The following TTC7A variants were observed in gnomAD, a reference collection of about 807,000 sequenced individuals.
The protein encoded by TTC7A is tetratricopeptide repeat protein 7A.
TTC7A carries 110 observed loss-of-function variants against 103.7 expected under a neutral mutation model. The ratio of observed to expected loss-of-function variants is 1.06; its 90% CI spans 0.91 to 1.24. The LOEUF (loss-of-function observed/expected upper bound fraction) is 1.24. TTC7A is among the 50% of genes most tolerant of loss of function. The probability of loss-of-function intolerance (pLI) is 0.00; values close to 1 mark genes in which losing one functional copy is unlikely to be tolerated. For missense variants in TTC7A, 1,340 were observed against 1,116.3 expected (o/e 1.20, Z -2.86); for synonymous variants, 521 against 467.9 (o/e 1.11, Z -1.47).
upstream of TTC7A, among the ~76,000 whole-genome samples, chr2:46,940,442 C>T (rs1670232604): frequency 6.6e-6 from 1 of 152,162 alleles, no homozygotes; most frequent in South Asian, 2.1e-4. The surrounding 1 kb of genome is among the most constrained non-coding windows in gnomAD (Gnocchi z 4.7). Flanking sequence ...GGGTGGACCT[C>T]GGCTGCCCCC....
chr2:47,011,294 T>G (rs1262798524), intron 10 of TTC7A, 37 bp from the exon 11 acceptor site: 1 of 1,589,442 alleles, frequency 6.3e-7, no homozygotes, highest in Admixed American at 1.7e-5. Flanking sequence ...GATCCAGGAC[T>G]GTGAGTGACA....
At chr2:46,949,540 C>A (rs1263149245) in intron 1 of TTC7A, among the ~76,000 whole-genome samples, 3 of 152,144 alleles carry the variant, frequency 2.0e-5, no homozygotes, top group African/African-American at 7.2e-5. Context: ...CTAAACCAAG[C>A]AGTATAAAAC....
chr2:47,042,037 G>A (rs1054643578), intron 15 of TTC7A, among the ~76,000 whole-genome samples: 2 of 152,162 alleles, frequency 1.3e-5, no homozygotes, highest in Admixed American at 6.5e-5. Flanking sequence ...AAGGAAAAGG[G>A]GATTGGGGTT....
intron 2 of TTC7A, among the ~76,000 whole-genome samples, chr2:46,929,648 T>C (rs1164058116): frequency 1.3e-5 from 2 of 152,204 alleles, no homozygotes; most frequent in African/African-American, 4.8e-5. Context: ...CACAGAAATA[T>C]ATATCCTTAA....
At chr2:47,012,042 C>T (rs1461628651) in intron 11 of TTC7A, among the ~76,000 whole-genome samples, 1 of 152,206 alleles carries the variant, frequency 6.6e-6, no homozygotes, top group Admixed American at 6.5e-5. Flanking sequence ...GTTGCAGGCT[C>T]CTGAAGACTC....
chr2:46,941,711 C>T lies in TTC7A; in HGVS notation c.170C>T (p.Thr57Ile), dbSNP rs771698385. The change falls in exon 1 of 20, where the codon ACC becomes ATC. Residue 57 changes from threonine to isoleucine, a missense_variant. Physicochemically the swap from Thr to Ile is moderately conservative, Grantham distance 89 (BLOSUM62 -1). Transcript: ENST00000319190. The surrounding 1 kb of genome is among the most constrained non-coding windows in gnomAD (Gnocchi z 4.2). Reference sequence around the variant, plus strand: ...CGAGGCAGCCCGAGCGCAGCGTTCACCTTTCCGGACACCGGTGAGTAAGGG... The same window carrying T: ...CGAGGCAGCCCGAGCGCAGCGTTCATCTTTCCGGACACCGGTGAGTAAGGG... ...NRRGSPSAAF[T>I]FPDTDDFGKL... 1 of 1,550,422 alleles carries T rather than the reference C, an allele frequency of 6.4e-7. No homozygotes were observed. Among genetic ancestry groups the T allele is most frequent in the Non-Finnish European group, 8.7e-7 (1 of 1,147,192 alleles).
chr2:46,957,107 C>T (rs905215142), intron 3 of TTC7A, 100 bp downstream of exon 3: 9 of 1,466,036 alleles, frequency 6.1e-6, no homozygotes, highest in Non-Finnish European at 8.5e-6. Context: ...TTCTTCACCC[C>T]TGGTAGTGCC....
intron 3 of TTC7A, among the ~76,000 whole-genome samples, chr2:46,957,869 A>G (rs909450920): frequency 6.6e-6 from 1 of 152,182 alleles, no homozygotes; most frequent in East Asian, 1.9e-4. Context: ...TCTAGAAAAG[A>G]TGCCTGTGGC....
chr2:47,034,372 G>A (rs1177853969), intron 15 of TTC7A: 1 of 152,298 alleles, frequency 6.6e-6, no homozygotes, highest in Non-Finnish European at 1.5e-5. Flanking sequence ...ATGCCTGTGT[G>A]AGTCCTTTCT....
At chr2:47,037,929 G>A (rs535136837) in intron 15 of TTC7A, among the ~76,000 whole-genome samples, 38 of 152,230 alleles carry the variant, frequency 2.5e-4, no homozygotes, top group African/African-American at 8.7e-4. Flanking sequence ...GTAAATAGAC[G>A]CTGTCATTCT....
intron 8 of TTC7A, among the ~76,000 whole-genome samples, chr2:47,002,374 A>G (rs758983902): frequency 6.6e-6 from 1 of 152,238 alleles, no homozygotes; most frequent in African/African-American, 2.4e-5. Flanking sequence ...AGACGGTGAG[A>G]AGATTTAATG....
At chr2:47,006,303 GTAA>G (rs1472123714) in intron 9 of TTC7A, among the ~76,000 whole-genome samples, 3 of 152,222 alleles carry the variant, frequency 2.0e-5, no homozygotes, top group African/African-American at 4.8e-5. Context: ...GCCATGCACA[GTAA>G]TAATAAATGT....
At chr2:46,956,696 T>C (rs1457234075) in intron 2 of TTC7A, 143 bp from the exon 3 acceptor site, 6 of 812,820 alleles carry the variant, frequency 7.4e-6, no homozygotes, top group East Asian at 2.4e-5. Context: ...TGTCGGCATG[T>C]GCTTGAGCAT....
At chr2:47,025,363 G>A (rs766069386) in intron 14 of TTC7A, among the ~76,000 whole-genome samples, 49 of 152,266 alleles carry the variant, frequency 3.2e-4, no homozygotes, top group Non-Finnish European at 5.4e-4. Flanking sequence ...CACAGCCCAC[G>A]GGGTCTAGGT....
chr2:46,933,573 T>C (rs1457119430), intron 2 of TTC7A, among the ~76,000 whole-genome samples: 1 of 152,188 alleles, frequency 6.6e-6, no homozygotes, highest in Non-Finnish European at 1.5e-5. Context: ...GCTGGTTCAG[T>C]ATTGAAATTA....
chr2:47,002,517 T>A (rs779915465), intron 8 of TTC7A, among the ~76,000 whole-genome samples: 151 of 151,952 alleles, frequency 9.9e-4, no homozygotes, highest in Non-Finnish European at 1.6e-3. Flanking sequence ...TGGCTGGGAC[T>A]AGGTCAGAGC....
chr2:47,024,516 G>C (rs112016319), intron 14 of TTC7A, among the ~76,000 whole-genome samples, 157 bp downstream of exon 14: 2 of 152,068 alleles, frequency 1.3e-5, no homozygotes, highest in African/African-American at 4.8e-5. Flanking sequence ...CTCATCAGAG[G>C]GGCCAGTAAG....
chr2:46,929,388 G>A (rs1229756580), intron 2 of TTC7A, among the ~76,000 whole-genome samples: 4 of 152,156 alleles, frequency 2.6e-5, no homozygotes, highest in Non-Finnish European at 5.9e-5. Context: ...TTGGGAGGCT[G>A]AGGCAGGATT....
At chr2:47,037,596 G>A (rs557262633) in intron 15 of TTC7A, among the ~76,000 whole-genome samples, 252 of 152,322 alleles carry the variant, frequency 1.7e-3, no homozygotes, top group Admixed American at 2.8e-3. Context: ...TGATTGGCAG[G>A]ACCGCCCTGG....
Sources: gnomAD v4.1 joint callset for allele counts (sites outside exome capture counted in the v4.1 genomes callset) on GRCh38, gnomAD v4.1.1 for gene constraint, Gnocchi (gnomAD v3.1) non-coding constraint, MANE v1.5 for transcripts, NCBI Gene and HGNC (gene_info 2026-07-23, HGNC 2026-07-21) for gene names.